Variants in ZBTB21 observed in about 807,000 individuals in gnomAD.
The protein encoded by ZBTB21 is zinc finger and BTB domain containing 21.
A neutral mutation model predicts 39.8 loss-of-function variants in ZBTB21; 10 were observed. The ratio of observed to expected loss-of-function variants is 0.25; its 90% CI spans 0.16 to 0.43. The LOEUF (loss-of-function observed/expected upper bound fraction) is 0.43. Ranked by LOEUF, ZBTB21 falls within the 20% of genes least tolerant of loss-of-function variation. The probability of loss-of-function intolerance (pLI) is 1.00; values close to 1 mark genes in which losing one functional copy is unlikely to be tolerated. For synonymous variants in ZBTB21, 551 were observed against 498.8 expected, an observed-to-expected ratio of 1.10 and a Z score of -1.40; for missense variants, 1,221 against 1,296.3, an observed-to-expected ratio of 0.94 and a Z score of 0.89.
chr21:42,004,171 T>C (rs940239698), intron 1 of ZBTB21, among the ~76,000 whole-genome samples: 7 of 152,068 alleles, frequency 4.6e-5, no homozygotes, highest in African/African-American at 1.7e-4. Flanking sequence ...GGCTAATTTT[T>C]GTATTTTTAG....
At chr21:42,004,772 C>T (rs574148129) in intron 1 of ZBTB21, among the ~76,000 whole-genome samples, 1 of 152,086 alleles carries the variant, frequency 6.6e-6, no homozygotes, top group Non-Finnish European at 1.5e-5. Flanking sequence ...AAGGCAAATA[C>T]CTAGTTAAAA....
chr21:42,002,139 G>C (rs1372008415), intron 2 of ZBTB21, among the ~76,000 whole-genome samples: 1 of 152,232 alleles, frequency 6.6e-6, no homozygotes, highest in Non-Finnish European at 1.5e-5. Flanking sequence ...CCAGGATCTA[G>C]AGACTCTAGA....
intron 1 of ZBTB21, among the ~76,000 whole-genome samples, chr21:42,003,900 C>A (rs1313147548): frequency 1.3e-5 from 2 of 152,140 alleles, no homozygotes; most frequent in African/African-American, 2.4e-5. Flanking sequence ...CCTGGAATGG[C>A]TACAAAACCC....
chr21:41,991,663 C>G lies in ZBTB21; in HGVS notation c.2433G>C (p.Leu811Phe), dbSNP rs764342132. The G allele has an allele frequency of 4.3e-6, 7 of 1,614,140 alleles. No individual in the cohort carries two copies. The Admixed American group carries it at 1.0e-4, about 23-fold the overall frequency. The change falls in exon 3 of 3, where the codon TTG (leucine) becomes TTC (phenylalanine). Residue 811 changes from leucine to phenylalanine, a missense_variant. Physicochemically the swap from Leu to Phe is conservative, Grantham distance 22. Transcript: ENST00000310826. This position sits in a 1 kb window ranked among gnomAD's most constrained non-coding sequence, Gnocchi z 4.9. ...CATCACCATTGTGGTCCAAAACGGG[C>G]AAAGAAAAGTTTTCGGTGGGTGCCA... Reference protein sequence around the residue: ...NNMAPTENFSLPVLDHNGDVT... With the variant: ...NNMAPTENFSFPVLDHNGDVT...
At chr21:42,009,841 G>A (rs2065937199) in intron 1 of ZBTB21, among the ~76,000 whole-genome samples, 1 of 152,084 alleles carries the variant, frequency 6.6e-6, no homozygotes, top group Non-Finnish European at 1.5e-5. Flanking sequence ...ACCCCTGCCC[G>A]GAACAGGAGA....
chr21:42,004,369 T>G (rs2065853850), intron 1 of ZBTB21, among the ~76,000 whole-genome samples: 1 of 152,152 alleles, frequency 6.6e-6, no homozygotes, highest in South Asian at 2.1e-4. Context: ...TTATAGAGTG[T>G]TAAATCAGTT....
At chr21:41,994,821 C>CGT (rs1555911006) in intron 2 of ZBTB21, among the ~76,000 whole-genome samples, 2 of 151,736 alleles carry the variant, frequency 1.3e-5, no homozygotes, top group Non-Finnish European at 2.9e-5. Flanking sequence ...ACAATTCCCA[C>CGT]GTCGTGGGAG....
At chr21:42,003,127 T>C (rs982809539) in intron 1 of ZBTB21, among the ~76,000 whole-genome samples, 166 bp from the exon 2 acceptor site, 4 of 152,270 alleles carry the variant, frequency 2.6e-5, no homozygotes, top group African/African-American at 9.6e-5. Flanking sequence ...ACTAGTTTCC[T>C]TACCTGTTAA....
In ZBTB21 at chr21:41,990,820, T is replaced by C. The variant is rs2065639687; in HGVS notation, c.*75A>G. ...TATTATTCTTGTTTAAAAAATATTT[T>C]GTTTCTTATGACACATTTCACAATT... On this transcript the variant is annotated 3_prime_UTR_variant, in exon 3 of 3. Coordinates refer to ENST00000310826, the MANE Select transcript of ZBTB21 (RefSeq NM_001098402.2). The C allele has an allele frequency of 1.5e-6, 2 of 1,330,410 alleles. No individual in the cohort carries two copies. The highest frequency in any genetic ancestry group is 2.0e-6 in the Non-Finnish European group (2 of 1,012,488). The allele number at this position is 1,330,410 out of a possible 1,614,324, so 82.4% of individuals were successfully genotyped here.
intron 2 of ZBTB21, among the ~76,000 whole-genome samples, chr21:41,998,257 TC>T (rs1183593497): frequency 2.0e-5 from 3 of 151,780 alleles, no homozygotes; most frequent in Non-Finnish European, 4.4e-5. Flanking sequence ...AATGACTCAG[TC>T]TTGGCTCCCT....
chr21:41,996,642 G>T (rs796276733), intron 2 of ZBTB21, among the ~76,000 whole-genome samples: 11 of 152,310 alleles, frequency 7.2e-5, no homozygotes, highest in African/African-American at 2.4e-4. Context: ...AGACTTTGGG[G>T]GACTGTTGGG....
At chr21:41,997,419 T>C (rs1218760647) in intron 2 of ZBTB21, among the ~76,000 whole-genome samples, 1 of 151,786 alleles carries the variant, frequency 6.6e-6, no homozygotes, top group Non-Finnish European at 1.5e-5. Flanking sequence ...CTACTAAAAA[T>C]ACAAAAATTA....
rs1282756214 is a variant in ZBTB21 at position 41,992,216 on chromosome 21, CTCACTA to C, written c.1874_1879del (p.Ile625_Val626del). On this transcript the variant is annotated inframe_deletion, in exon 3 of 3. Transcript: ENST00000310826. This position sits in a 1 kb window ranked among gnomAD's most constrained non-coding sequence, Gnocchi z 4.1. ...CAGGGCCTTCTTAATTTCTCTCTCT[CTCACTA>C]TGTCAATCAGCTTTCTTTGGAATTT... 6.2e-7 allele frequency: 1 copy of C among 1,614,048 alleles called. No individual in the cohort carries two copies. The highest frequency in any genetic ancestry group is 8.5e-7 in the Non-Finnish European group (1 of 1,180,016).
chr21:42,009,382 G>C (rs907536168), intron 1 of ZBTB21: 6 of 152,286 alleles, frequency 3.9e-5, no homozygotes, highest in African/African-American at 1.2e-4. Context: ...CCGAAAAGCC[G>C]GGAAGAGATG....
rs1050241683 is a variant in ZBTB21 at position 41,992,452 on chromosome 21, G to C, written c.1644C>G (p.Cys548Trp). The change falls in exon 3 of 3, where the codon TGC becomes TGG. Residue 548 changes from cysteine (C) to tryptophan (W), a missense_variant. Cys to Trp is a radical substitution (Grantham distance 215). Around this residue, in one of 4 missense-constraint regions of ZBTB21, gnomAD observed 90 missense variants for 133.1 expected, o/e 0.68. Transcript: ENST00000310826. The surrounding 1 kb of genome is among the most constrained non-coding windows in gnomAD (Gnocchi z 4.1). ...EGTRPNKKFK[C>W]KHCLKIFRST... ...ATCTAAAGATCTTAAGGCAATGTTTGCATTTAAATTTTTTGTTTGGTCTCG... is the reference window on the plus strand; with the variant it reads ...ATCTAAAGATCTTAAGGCAATGTTTCCATTTAAATTTTTTGTTTGGTCTCG... 1.9e-6 allele frequency: 3 copies of C among 1,613,922 alleles called. No homozygotes were observed. Among genetic ancestry groups the C allele is most frequent in the Middle Eastern group, 1.6e-4 (1 of 6,082 alleles).
Position 41,987,834 on chromosome 21 carries a change from G to C in ZBTB21, c.*3061C>G, listed in dbSNP as rs372617024. The C allele has an allele frequency of 2.0e-5, 3 of 152,256 alleles. No homozygotes were observed. The highest frequency in any genetic ancestry group is 6.5e-5 in the Admixed American group (1 of 15,296). 9.4% of individuals were successfully genotyped at this position (152,256 alleles called of 1,614,324 possible). A position where few individuals can be genotyped will look rare whatever the true frequency, so the allele number is the denominator to read the frequency against. On this transcript the variant is annotated 3_prime_UTR_variant, in exon 3 of 3. Coordinates refer to ENST00000310826, the MANE Select transcript of ZBTB21 (RefSeq NM_001098402.2). ...TTGGCCTTGTAGGTGCATCCACACC[G>C]CACCTCCGTGAACAGACACATTTTA...
At position 41,993,217 on chromosome 21, in the gene ZBTB21, T is replaced by C. The variant is rs757463011; in HGVS notation, c.879A>G (p.Lys293=). 12 of 1,612,196 alleles carry C rather than the reference T, an allele frequency of 7.4e-6. No homozygotes were observed. In the South Asian group the frequency reaches 1.3e-4, roughly 18 times the overall value. The change falls in exon 3 of 3, where the codon AAA becomes AAG. Residue 293 remains lysine, a synonymous_variant. Coordinates refer to ENST00000310826, the MANE Select transcript of ZBTB21 (RefSeq NM_001098402.2). The stretch of plus-strand genomic sequence containing the variant: ...CTTGACCATTTCCTTTGTTAGTTTC[T>C]TTTAATAGATAGGGAGTCTCTGATG... ...CSSSETPYLL[K]ETNKGNGQGE... is the part of the protein sequence containing the mutation.
Position 41,992,870 on chromosome 21 carries a change from G to C in ZBTB21, c.1226C>G (p.Ser409Cys). 1 of 1,614,198 alleles carries C rather than the reference G, an allele frequency of 6.2e-7. No individual in the cohort carries two copies. The highest frequency in any genetic ancestry group is 8.5e-7 in the Non-Finnish European group (1 of 1,180,046). Residue 409 changes from serine (S) to cysteine (C), a missense_variant, in exon 3 of 3, where the codon TCC (serine) becomes TGC (cysteine). Physicochemically the swap from Ser to Cys is moderately radical, Grantham distance 112. This residue lies in a region of ZBTB21 where 500 missense variants were observed against 465.6 expected (regional missense o/e 1.07). Transcript: ENST00000310826. The surrounding 1 kb of genome is among the most constrained non-coding windows in gnomAD (Gnocchi z 4.1). ...GTCTGTTGACTGAGAAGCACTAAAG[G>C]ACCTGAGGCGATGCGGTTGTAGCAC... ...PQVLQPHRLR[S>C]FSASQSTDRE... is the part of the protein sequence containing the mutation.
rs1413090183 is a variant in ZBTB21 at position 41,990,587 on chromosome 21, T to TA, written c.*307dup. On this transcript the variant is annotated 3_prime_UTR_variant, in exon 3 of 3. Coordinates refer to ENST00000310826, the MANE Select transcript of ZBTB21 (RefSeq NM_001098402.2). ...TCAATAAAAAACCAAAAACCTCAAT[T>TA]AAATGATTATACTGACACCATGGAA... 1 of 190,558 alleles carries TA rather than the reference T, an allele frequency of 5.2e-6. No homozygotes were observed. Among genetic ancestry groups the TA allele is most frequent in the Non-Finnish European group, 1.1e-5 (1 of 94,146 alleles). 11.8% of individuals were successfully genotyped at this position (190,558 alleles called of 1,614,324 possible). A position where few individuals can be genotyped will look rare whatever the true frequency, so the allele number is the denominator to read the frequency against.
Sources: gnomAD v4.1 joint callset for allele counts (sites outside exome capture counted in the v4.1 genomes callset) on GRCh38, gnomAD v4.1.1 for gene constraint, gnomAD v4.1.1 regional missense constraint, Gnocchi (gnomAD v3.1) non-coding constraint, MANE v1.5 for transcripts, NCBI Gene and HGNC (gene_info 2026-07-23, HGNC 2026-07-21) for gene names.